The following UNC5A variants were observed in gnomAD, a reference collection of about 807,000 sequenced individuals.
The protein encoded by UNC5A is netrin receptor UNC5A.
A neutral mutation model predicts 87.4 loss-of-function variants in UNC5A; 20 were observed. The ratio of observed to expected loss-of-function variants is 0.23; its 90% CI spans 0.16 to 0.33. The LOEUF (loss-of-function observed/expected upper bound fraction) is 0.33, where lower values mean the gene tolerates loss of function less well. Among genes scored for constraint, UNC5A ranks in the 10% least tolerant of loss-of-function variants. The pLI is 1.00. For synonymous variants in UNC5A, 438 were observed against 482.3 expected (o/e 0.91, Z 1.20); for missense variants, 844 against 1,133.4 (o/e 0.74, Z 3.67).
At chr5:176,819,990 C>T (rs1383591066) in intron 1 of UNC5A, among the ~76,000 whole-genome samples, 1 of 152,248 alleles carries the variant, frequency 6.6e-6, no homozygotes, top group Non-Finnish European at 1.5e-5. Context: ...AGGCCGGGCG[C>T]GGTGGCTCAC....
intron 1 of UNC5A, among the ~76,000 whole-genome samples, chr5:176,812,842 C>G (rs947663265): frequency 6.6e-6 from 1 of 152,152 alleles, no homozygotes; most frequent in African/African-American, 2.4e-5. Context: ...GGACTCCCTT[C>G]CCCCTGTGCC....
At chr5:176,837,914 T>C (rs923359622) in intron 1 of UNC5A, among the ~76,000 whole-genome samples, 1 of 152,180 alleles carries the variant, frequency 6.6e-6, no homozygotes, top group Admixed American at 6.5e-5. Flanking sequence ...CTCTGCTTCC[T>C]AACCCCACCA....
Position 176,866,639 on chromosome 5 carries a change from G to A in UNC5A, c.293-1491G>A, listed in dbSNP as rs1187042253. Among the ~76,000 whole-genome samples, 6 of 152,108 alleles carry A rather than the reference G, an allele frequency of 3.9e-5. No homozygotes were observed. Among genetic ancestry groups the A allele is most frequent in the Admixed American group, 3.9e-4 (6 of 15,280 alleles). Reference sequence around the variant, plus strand: ...AGGTCTCCCACCCCTAACCCCCAAGGCAGAGAGGATGAAGGGAGTGGAGGG... The same window carrying A: ...AGGTCTCCCACCCCTAACCCCCAAGACAGAGAGGATGAAGGGAGTGGAGGG... On this transcript the variant is annotated intron_variant, in intron 2 of 14. Transcript: ENST00000329542. The surrounding 1 kb of genome is among the most constrained non-coding windows in gnomAD (Gnocchi z 5.0).
At position 176,875,213 on chromosome 5, in the gene UNC5A, G is replaced by A. The variant is rs1285063315; in HGVS notation, c.1378+647G>A. Among the ~76,000 whole-genome samples the A allele has an allele frequency of 3.9e-5, 6 of 152,102 alleles. No individual in the cohort carries two copies. Among genetic ancestry groups the A allele is most frequent in the Admixed American group, 2.6e-4 (4 of 15,268 alleles). On this transcript the variant is annotated intron_variant, in intron 8 of 14. Coordinates refer to ENST00000329542, the MANE Select transcript of UNC5A (RefSeq NM_133369.3). This position sits in a 1 kb window ranked among gnomAD's most constrained non-coding sequence, Gnocchi z 5.2. ...CCCACTCCATGGCTTTAATCGCCGT[G>A]TCTGTGCAGATAACTCCCACTCCCC...
chr5:176,874,226 C>A lies in UNC5A; in HGVS notation c.1076-38C>A. ...CCAAGGGCTGCTGGGGCAGGGATGCCCTAGGTGCCATTGCCTGAGTCTGTC... is the reference window on the plus strand; with the variant it reads ...CCAAGGGCTGCTGGGGCAGGGATGCACTAGGTGCCATTGCCTGAGTCTGTC... On this transcript the variant is annotated intron_variant, in intron 7 of 14. Transcript: ENST00000329542. This position sits in a 1 kb window ranked among gnomAD's most constrained non-coding sequence, Gnocchi z 7.6. 8.8e-6 allele frequency: 14 copies of A among 1,589,650 alleles called. No individual in the cohort carries two copies. The highest frequency in any genetic ancestry group is 1.1e-5 in the Non-Finnish European group (13 of 1,165,766).
intron 1 of UNC5A, among the ~76,000 whole-genome samples, chr5:176,811,351 A>T (rs893437544): frequency 6.6e-6 from 1 of 152,094 alleles, no homozygotes; most frequent in African/African-American, 2.4e-5. Flanking sequence ...ACGCTCTCAC[A>T]CGCACACACT....
rs1304121118 is a variant in UNC5A, at chr5:176,858,772, A to AAGGAAGGAAGGAAGGC, written c.71-3849_71-3848insAAGGAAGGAAGGCAGG. The stretch of plus-strand genomic sequence containing the variant: ...GAAGGAAGGAAGGAAGGAAGGAAGG[A>AAGGAAGGAAGGAAGGC]AGGCAAGCAAGCAGGCAGGGAGGGA... On this transcript the variant is annotated intron_variant, in intron 1 of 14. Coordinates refer to ENST00000329542, the MANE Select transcript of UNC5A (RefSeq NM_133369.3). Among the ~76,000 whole-genome samples the AAGGAAGGAAGGAAGGC allele has an allele frequency of 4.7e-3, 659 of 140,060 alleles. 11 individuals carry two copies. Among genetic ancestry groups the AAGGAAGGAAGGAAGGC allele is most frequent in the African/African-American group, 0.017 (593 of 34,450 alleles). 91.9% of individuals were successfully genotyped at this position (140,060 alleles called of 152,430 possible). A position where few individuals can be genotyped will look rare whatever the true frequency, so the allele number is the denominator to read the frequency against.
intron 11 of UNC5A, 29 bp from the exon 12 acceptor site, chr5:176,878,215 G>A (rs1342724135): frequency 1.1e-5 from 17 of 1,606,998 alleles, no homozygotes; most frequent in Non-Finnish European, 1.4e-5. Context: ...GTGGGGAGGG[G>A]CCTGGGCTGA....
rs756014228 is a variant in UNC5A at position 176,869,592 on chromosome 5, C to T, written c.721+628C>T. 4 of 695,254 alleles carry T rather than the reference C, an allele frequency of 5.8e-6. No individual in the cohort carries two copies. In the South Asian group the frequency reaches 6.0e-5, roughly 10 times the overall value. The allele number at this position is 695,254 out of a possible 1,614,324, so 43.1% of individuals were successfully genotyped here. A position where few individuals can be genotyped will look rare whatever the true frequency, so the allele number is the denominator to read the frequency against. ...TGAGGACGCCCCCGCTCCCTGACCC[C>T]AGTCCTTCTCTGTCCGGCCAGTGAA... On this transcript the variant is annotated intron_variant, in intron 5 of 14. Coordinates refer to ENST00000329542, the MANE Select transcript of UNC5A (RefSeq NM_133369.3). The surrounding 1 kb of genome is among the most constrained non-coding windows in gnomAD (Gnocchi z 9.1).
intron 1 of UNC5A, among the ~76,000 whole-genome samples, chr5:176,828,766 T>C (rs1756914308): frequency 6.6e-6 from 1 of 152,164 alleles, no homozygotes; most frequent in Non-Finnish European, 1.5e-5. Flanking sequence ...TCACTGCTCG[T>C]TCATGGATGG....
chr5:176,867,271 C>T (rs1189160660), intron 2 of UNC5A, among the ~76,000 whole-genome samples: 6 of 152,098 alleles, frequency 3.9e-5, no homozygotes, highest in Non-Finnish European at 5.9e-5. Context: ...AGGGTTGCTG[C>T]CCCCGCTCCT....
chr5:176,849,298 G>A (rs1354209850), intron 1 of UNC5A, among the ~76,000 whole-genome samples: 1 of 152,200 alleles, frequency 6.6e-6, no homozygotes, highest in African/African-American at 2.4e-5. Context: ...AAAAAAATCA[G>A]TGCAGGCTGG....
At chr5:176,855,722 C>A (rs1393852229) in intron 1 of UNC5A, among the ~76,000 whole-genome samples, 1 of 152,236 alleles carries the variant, frequency 6.6e-6, no homozygotes, top group Non-Finnish European at 1.5e-5. Context: ...CATCCGAGCA[C>A]CTGTAGAGCG....
chr5:176,836,371 T>A (rs930982560), intron 1 of UNC5A, among the ~76,000 whole-genome samples: 3 of 152,202 alleles, frequency 2.0e-5, no homozygotes, highest in Non-Finnish European at 2.9e-5. Flanking sequence ...AGAACTGGAT[T>A]GTATTACAGA....
chr5:176,813,973 C>G (rs1238927368), intron 1 of UNC5A, among the ~76,000 whole-genome samples: 1 of 152,210 alleles, frequency 6.6e-6, no homozygotes, highest in Non-Finnish European at 1.5e-5. Context: ...CTCCTATTCT[C>G]CCAGCCTGGG....
intron 1 of UNC5A, among the ~76,000 whole-genome samples, chr5:176,854,744 ACT>A (rs1292047499): frequency 6.6e-6 from 1 of 151,960 alleles, no homozygotes; most frequent in South Asian, 2.1e-4. Context: ...TTCCACAAAA[ACT>A]CTCTGGCTGT....
intron 1 of UNC5A, among the ~76,000 whole-genome samples, chr5:176,859,993 G>A (rs955628913): frequency 5.6e-4 from 86 of 152,230 alleles, no homozygotes; most frequent in Non-Finnish European, 8.1e-4. Flanking sequence ...ATGCAGACAT[G>A]AGGGATTGTG....
intron 1 of UNC5A, among the ~76,000 whole-genome samples, chr5:176,860,510 G>A (rs1330390500): frequency 1.3e-5 from 2 of 152,312 alleles, no homozygotes; most frequent in African/African-American, 2.4e-5. Context: ...TCTGGGTCAG[G>A]GCTGGCCGGT....
intron 1 of UNC5A, among the ~76,000 whole-genome samples, chr5:176,860,071 G>T (rs1434933675): frequency 6.6e-6 from 1 of 152,188 alleles, no homozygotes; most frequent in Non-Finnish European, 1.5e-5. Context: ...CTGGAGGGCC[G>T]CACACCCCCT....
Sources: gnomAD v4.1 joint callset for allele counts (sites outside exome capture counted in the v4.1 genomes callset) on GRCh38, gnomAD v4.1.1 for gene constraint, Gnocchi (gnomAD v3.1) non-coding constraint, MANE v1.5 for transcripts, NCBI Gene and HGNC (gene_info 2026-07-23, HGNC 2026-07-21) for gene names.